The following ESRRA variants were observed in gnomAD, a reference collection of about 807,000 sequenced individuals.
ESRRA encodes steroid hormone receptor ERR1.
Under a neutral mutation model 35.6 loss-of-function variants are expected in ESRRA, and 7 were observed. That is an observed-to-expected ratio of 0.20 (90% CI 0.11 to 0.37). The LOEUF (loss-of-function observed/expected upper bound fraction) is 0.37, where lower values mean the gene tolerates loss of function less well. Ranked by LOEUF, ESRRA falls within the 10% of genes least tolerant of loss-of-function variation. The probability of loss-of-function intolerance (pLI) is 1.00; values close to 1 mark genes in which losing one functional copy is unlikely to be tolerated. For missense variants in ESRRA, 378 were observed against 561.7 expected (o/e 0.67, Z 3.31); for synonymous variants, 223 against 246.9 (o/e 0.90, Z 0.91).
At chr11:64,312,747 A>G (rs2035166770) in intron 2 of ESRRA, among the ~76,000 whole-genome samples, 1 of 152,208 alleles carries the variant, frequency 6.6e-6, no homozygotes, top group Non-Finnish European at 1.5e-5. Context: ...AGAGGCCAGG[A>G]GGACTCTGCA....
chr11:64,312,940 G>C (rs578151466), intron 2 of ESRRA, among the ~76,000 whole-genome samples: 5 of 152,294 alleles, frequency 3.3e-5, no homozygotes, highest in Admixed American at 6.5e-5. Context: ...AGGGGCGTAG[G>C]CCTAGGAGGA....
chr11:64,314,851 C>G lies in ESRRA; in HGVS notation c.682C>G (p.Leu228Val). ...PDGHLPAVAT[L>V]CDLFDREIVV... is the part of the protein sequence containing the mutation. ...TGGGCACCTCCCAGCCGTGGCTACC[C>G]TCTGTGACCTCTTTGACCGAGAGAT... The change falls in exon 5 of 7, where the codon CTC (leucine) becomes GTC (valine). Residue 228 changes from leucine (L) to valine (V), a missense_variant. Around this residue, in one of 4 missense-constraint regions of ESRRA, gnomAD observed 284 missense variants for 411.7 expected, o/e 0.69. Coordinates refer to ENST00000000442, the MANE Select transcript of ESRRA (RefSeq NM_004451.5). The G allele has an allele frequency of 1.2e-6, 2 of 1,612,488 alleles. No homozygotes were observed. Among genetic ancestry groups the G allele is most frequent in the Non-Finnish European group, 1.7e-6 (2 of 1,180,028 alleles).
rs1447932474 is a variant in ESRRA, at chr11:64,314,938, G to T, written c.742+27G>T. 4 of 1,607,702 alleles carry T rather than the reference G, an allele frequency of 2.5e-6. No individual in the cohort carries two copies. The African/African-American group carries it at 4.0e-5, about 16-fold the overall frequency. ...TAAAGGGCCCAGGTGACCCGGGGCT[G>T]CCCTGAACGGGCCCGGCTCTGGTGC... On this transcript the variant is annotated intron_variant, in intron 5 of 6. Transcript: ENST00000000442.
Position 64,315,036 on chromosome 11 carries a change from GTAC to G in ESRRA, c.780_782del (p.Leu261del). 1 of 1,606,262 alleles carries G rather than the reference GTAC, an allele frequency of 6.2e-7. No individual in the cohort carries two copies. Among genetic ancestry groups the G allele is most frequent in the Non-Finnish European group, 8.5e-7 (1 of 1,177,106 alleles). On this transcript the variant is annotated inframe_deletion, in exon 6 of 7. Coordinates refer to ENST00000000442, the MANE Select transcript of ESRRA (RefSeq NM_004451.5). ...GCTGTCGCTGTCTGACCAGATGTCAGTACTGCAGAGCGTGTGGATGGAGGTGCT... is the reference window on the plus strand; with the variant it reads ...GCTGTCGCTGTCTGACCAGATGTCAGTGCAGAGCGTGTGGATGGAGGTGCT...
At position 64,313,757 on chromosome 11, in the gene ESRRA, T is replaced by C; in HGVS notation, c.326-194T>C. ...ATGCAGCCCCGCTGCCTGGTCCAGC[T>C]CCTCCCTCATCCAGGCAGGGCTCCC... On this transcript the variant is annotated intron_variant, in intron 2 of 6. Coordinates refer to ENST00000000442, the MANE Select transcript of ESRRA (RefSeq NM_004451.5). This position sits in a 1 kb window ranked among gnomAD's most constrained non-coding sequence, Gnocchi z 4.0. The C allele has an allele frequency of 1.8e-6, 1 of 545,046 alleles. No individual in the cohort carries two copies. Among genetic ancestry groups the C allele is most frequent in the Non-Finnish European group, 3.3e-6 (1 of 303,958 alleles). 33.8% of individuals were successfully genotyped at this position (545,046 alleles called of 1,614,324 possible).
intron 4 of ESRRA, 95 bp downstream of exon 4, chr11:64,314,462 T>A: frequency 7.4e-7 from 1 of 1,355,226 alleles, no homozygotes; most frequent in Non-Finnish European, 9.9e-7. Context: ...TTCCCCTTCG[T>A]CTCTTCACTC....
intron 2 of ESRRA, 143 bp downstream of exon 2, chr11:64,307,647 T>C: frequency 1.7e-6 from 1 of 598,248 alleles, no homozygotes; most frequent in East Asian, 3.2e-5. Flanking sequence ...AGAGACACTC[T>C]TTCCCTGAGA....
In ESRRA at chr11:64,314,298, G is replaced by A. The variant is rs2035196829; in HGVS notation, c.502G>A (p.Asp168Asn). Residue 168 changes from aspartate to asparagine, a missense_variant, in exon 4 of 7, where the codon GAC (aspartate) becomes AAC (asparagine). Asp to Asn is a conservative substitution (Grantham distance 23). This residue lies in a region of ESRRA where 284 missense variants were observed against 411.7 expected (regional missense o/e 0.69). Coordinates refer to ENST00000000442, the MANE Select transcript of ESRRA (RefSeq NM_004451.5). ...GAAGTACAAGCGGCGGCCGGAGGTG[G>A]ACCCACTGCCCTTCCCGGGCCCCTT... ...RQKYKRRPEV[D>N]PLPFPGPFPA... is the part of the protein sequence containing the mutation. The A allele has an allele frequency of 1.2e-6, 2 of 1,611,128 alleles. No homozygotes were observed. The highest frequency in any genetic ancestry group is 1.7e-6 in the Non-Finnish European group (2 of 1,179,302).
At position 64,305,749 on chromosome 11, in the gene ESRRA, A is replaced by C. The variant is rs1173743266; in HGVS notation, c.-13+13A>C. 1 of 52,946 alleles carries C rather than the reference A, an allele frequency of 1.9e-5. No individual in the cohort carries two copies. The highest frequency in any genetic ancestry group is 4.5e-5 in the Non-Finnish European group (1 of 22,104). 3.3% of individuals were successfully genotyped at this position (52,946 alleles called of 1,614,324 possible). A position where few individuals can be genotyped will look rare whatever the true frequency, so the allele number is the denominator to read the frequency against. On this transcript the variant is annotated intron_variant, in intron 1 of 6. Coordinates refer to ENST00000000442, the MANE Select transcript of ESRRA (RefSeq NM_004451.5). The surrounding 1 kb of genome is among the most constrained non-coding windows in gnomAD (Gnocchi z 5.8). ...GCCGGAGCCCCAGGTCCGGGGGCGG[A>C]GGGGAGCGCTGCCGCGGGGGTGGGC...
intron 2 of ESRRA, among the ~76,000 whole-genome samples, chr11:64,312,479 T>C (rs972368888): frequency 2.0e-5 from 3 of 151,154 alleles, no homozygotes; most frequent in Non-Finnish European, 2.9e-5. Context: ...AAATAGGGGG[T>C]AGGAGAAAAT....
Position 64,313,401 on chromosome 11 carries a change from C to T in ESRRA, c.326-550C>T, listed in dbSNP as rs577917801. Among the ~76,000 whole-genome samples, 50 of 152,276 alleles carry T rather than the reference C, an allele frequency of 3.3e-4. 3 individuals are homozygous for T. In the South Asian group the frequency reaches 9.9e-3, roughly 30 times the overall value. ...TAGAGGTAGAAACGTGAGAGCCCCA[C>T]GGCTGGGGAAGATTGCCATGGGATT... On this transcript the variant is annotated intron_variant, in intron 2 of 6. Transcript: ENST00000000442. The surrounding 1 kb of genome is among the most constrained non-coding windows in gnomAD (Gnocchi z 4.0).
chr11:64,315,145 G>T lies in ESRRA; in HGVS notation c.887G>T (p.Gly296Val). 6.2e-7 allele frequency: 1 copy of T among 1,612,874 alleles called. No individual in the cohort carries two copies. Reference protein sequence around the residue: ...FAEDLVLDEEGARAAGLGELG... With the variant: ...FAEDLVLDEEVARAAGLGELG... ...GAGGACTTAGTCCTGGATGAAGAGG[G>T]GGCACGGGCAGCTGGCCTGGGGGAA... is the stretch of plus-strand genomic sequence containing the variant. The change falls in exon 6 of 7, where the codon GGG (glycine) becomes GTG (valine). Residue 296 changes from glycine (G) to valine (V), a missense_variant. This residue lies in a region of ESRRA where 284 missense variants were observed against 411.7 expected (regional missense o/e 0.69). Coordinates refer to ENST00000000442, the MANE Select transcript of ESRRA (RefSeq NM_004451.5).
At chr11:64,308,592 G>A (rs1451002987) in intron 2 of ESRRA, among the ~76,000 whole-genome samples, 2 of 149,526 alleles carry the variant, frequency 1.3e-5, no homozygotes, top group East Asian at 2.0e-4. Context: ...CGAGGCGGGC[G>A]GATCATGAGG....
In ESRRA at chr11:64,314,850, C is replaced by A. The variant is rs1565377718; in HGVS notation, c.681C>A (p.Thr227=). The A allele has an allele frequency of 6.2e-7, 1 of 1,612,350 alleles. No homozygotes were observed. The highest frequency in any genetic ancestry group is 1.3e-5 in the African/African-American group (1 of 74,922). ...ATGGGCACCTCCCAGCCGTGGCTACCCTCTGTGACCTCTTTGACCGAGAGA... is the reference window on the plus strand; with the variant it reads ...ATGGGCACCTCCCAGCCGTGGCTACACTCTGTGACCTCTTTGACCGAGAGA... ...GPDGHLPAVA[T]LCDLFDREIV... Residue 227 remains threonine, a synonymous_variant, in exon 5 of 7, where the codon ACC becomes ACA. Transcript: ENST00000000442.
intron 2 of ESRRA, among the ~76,000 whole-genome samples, chr11:64,308,987 C>T (rs1203868999): frequency 1.3e-5 from 2 of 151,398 alleles, no homozygotes; most frequent in African/African-American, 2.4e-5. Flanking sequence ...TGGTGGCATG[C>T]GCCTGTCATC....
Position 64,307,307 on chromosome 11 carries a change from C to G in ESRRA, c.128C>G (p.Pro43Arg). Reference sequence around the variant, plus strand: ...GTGGCCCTGGCCCCTGGTCCAGCTCCCACTCGCTGCCTCCCAGGCCACAAG... The same window carrying G: ...GTGGCCCTGGCCCCTGGTCCAGCTCGCACTCGCTGCCTCCCAGGCCACAAG... ...PPVALAPGPA[P>R]TRCLPGHKEE... Residue 43 changes from proline (P) to arginine (R), a missense_variant, in exon 2 of 7, where the codon CCC becomes CGC. Pro to Arg is a moderately radical substitution (Grantham distance 103). Transcript: ENST00000000442. 6.2e-7 allele frequency: 1 copy of G among 1,613,182 alleles called. No individual in the cohort carries two copies. Among genetic ancestry groups the G allele is most frequent in the South Asian group, 1.1e-5 (1 of 91,012 alleles).
At chr11:64,310,154 A>T (rs1469070597) in intron 2 of ESRRA, among the ~76,000 whole-genome samples, 1 of 151,984 alleles carries the variant, frequency 6.6e-6, no homozygotes, top group Non-Finnish European at 1.5e-5. Flanking sequence ...GAGCTCTTCA[A>T]TGTTAGACTG....
At chr11:64,308,311 T>C (rs551362623) in intron 2 of ESRRA, among the ~76,000 whole-genome samples, 12 of 149,370 alleles carry the variant, frequency 8.0e-5, no homozygotes, top group African/African-American at 2.7e-4. Flanking sequence ...GGTCAGGAGA[T>C]CGAGACCAGC....
intron 6 of ESRRA, 30 bp downstream of exon 6, chr11:64,315,300 GGT>G: frequency 6.5e-7 from 1 of 1,527,014 alleles, no homozygotes; most frequent in Non-Finnish European, 8.8e-7. Context: ...TGACAGGTGA[GGT>G]GTCTCCGTAA....
Sources: gnomAD v4.1 joint callset for allele counts (sites outside exome capture counted in the v4.1 genomes callset) on GRCh38, gnomAD v4.1.1 for gene constraint, gnomAD v4.1.1 regional missense constraint, Gnocchi (gnomAD v3.1) non-coding constraint, MANE v1.5 for transcripts, NCBI Gene and HGNC (gene_info 2026-07-23, HGNC 2026-07-21) for gene names.